CTNNA2: variants seen among roughly 807,000 people sequenced by gnomAD.
CTNNA2 encodes catenin alpha 2.
Under a neutral mutation model 101.0 loss-of-function variants are expected in CTNNA2, and 42 were observed. The observed-to-expected ratio is 0.42, with a 90% confidence interval of 0.32 to 0.54. CTNNA2 has a LOEUF of 0.54. Among genes scored for constraint, CTNNA2 ranks in the 20% least tolerant of loss-of-function variants. The pLI is 0.14. For synonymous variants in CTNNA2, 450 were observed against 456.4 expected (o/e 0.99, Z 0.18); for missense variants, 871 against 1,223.1 (o/e 0.71, Z 4.29).
chr2:79,195,974 T>C, intron 1 of CTNNA2: 1 of 410,354 alleles, frequency 2.4e-6, no homozygotes, highest in South Asian at 1.8e-5. Context: ...TCTCGATCTG[T>C]CACCCAGGCT....
At chr2:79,886,166 A>G (rs1683845110) in intron 6 of CTNNA2, among the ~76,000 whole-genome samples, 1 of 152,214 alleles carries the variant, frequency 6.6e-6, no homozygotes, top group Non-Finnish European at 1.5e-5. Flanking sequence ...ATTGGGCAAG[A>G]TGAAATTGTG....
chr2:79,801,850 G>A (rs927817356), intron 3 of CTNNA2, among the ~76,000 whole-genome samples: 1 of 151,970 alleles, frequency 6.6e-6, no homozygotes, highest in Admixed American at 6.5e-5. Flanking sequence ...AAATTAGCCA[G>A]GCGTGGTGGC....
chr2:79,472,660 TCTC>T (rs1256094574), intron 4 of CTNNA2, among the ~76,000 whole-genome samples: 1 of 152,162 alleles, frequency 6.6e-6, no homozygotes, highest in Non-Finnish European at 1.5e-5. Flanking sequence ...CCATTACTAA[TCTC>T]CTTATCAAAC....
intron 7 of CTNNA2, among the ~76,000 whole-genome samples, chr2:80,292,402 C>A (rs1291246604): frequency 6.6e-6 from 1 of 151,946 alleles, no homozygotes; most frequent in Non-Finnish European, 1.5e-5. Flanking sequence ...TGGTAAGTGA[C>A]CTTGGGCAAG....
At chr2:79,927,668 A>G (rs895647792) in intron 7 of CTNNA2, among the ~76,000 whole-genome samples, 3 of 152,232 alleles carry the variant, frequency 2.0e-5, no homozygotes, top group African/African-American at 7.2e-5. Context: ...GAAGAAAAGC[A>G]TTTAACAGTG....
At chr2:79,933,356 T>C (rs1318682647) in intron 7 of CTNNA2, among the ~76,000 whole-genome samples, 1 of 152,188 alleles carries the variant, frequency 6.6e-6, no homozygotes, top group Non-Finnish European at 1.5e-5. Context: ...TGTATCTTCA[T>C]TTTTTAAATG....
chr2:79,843,090 A>G (rs2103854714), intron 3 of CTNNA2, among the ~76,000 whole-genome samples: 1 of 152,338 alleles, frequency 6.6e-6, no homozygotes, highest in East Asian at 1.9e-4. Context: ...ATGTGTAACA[A>G]TGGGGCAAAA....
At chr2:80,353,594 C>G (rs1343464079) in intron 7 of CTNNA2, among the ~76,000 whole-genome samples, 2 of 152,088 alleles carry the variant, frequency 1.3e-5, no homozygotes, top group Non-Finnish European at 2.9e-5. Flanking sequence ...CAATTCTGAA[C>G]AAATAGTTAA....
At chr2:79,375,230 T>A (rs1677953914) in intron 4 of CTNNA2, among the ~76,000 whole-genome samples, 1 of 152,200 alleles carries the variant, frequency 6.6e-6, no homozygotes, top group Admixed American at 6.5e-5. Flanking sequence ...ATTCAAATTC[T>A]GATTCTGATT....
At chr2:80,119,597 A>G (rs2148875620) in intron 7 of CTNNA2, among the ~76,000 whole-genome samples, 1 of 152,338 alleles carries the variant, frequency 6.6e-6, no homozygotes, top group Non-Finnish European at 1.5e-5. Flanking sequence ...GTCAGCTGGC[A>G]TTTATAAATA....
intron 7 of CTNNA2, among the ~76,000 whole-genome samples, chr2:80,301,502 A>G (rs1352679346): frequency 6.6e-6 from 1 of 152,126 alleles, no homozygotes; most frequent in Non-Finnish European, 1.5e-5. Context: ...CCTAGGAGAA[A>G]CTGTCTGGCA....
intron 12 of CTNNA2, 137 bp from the exon 13 acceptor site, chr2:80,574,026 C>T: frequency 1.2e-6 from 1 of 826,032 alleles, no homozygotes; most frequent in Non-Finnish European, 1.9e-6. Context: ...ATTGGGCTCA[C>T]TTCAAACTGG....
At chr2:79,766,479 A>T (rs1673166805) in intron 3 of CTNNA2, among the ~76,000 whole-genome samples, 1 of 152,126 alleles carries the variant, frequency 6.6e-6, no homozygotes, top group Non-Finnish European at 1.5e-5. Flanking sequence ...GGTCTTTGAC[A>T]GATTTGATTG....
intron 9 of CTNNA2, among the ~76,000 whole-genome samples, chr2:80,470,742 A>G (rs993867683): frequency 6.6e-6 from 1 of 152,236 alleles, no homozygotes; most frequent in Non-Finnish European, 1.5e-5. Context: ...GAGAAAGCAT[A>G]CAGAAGATAG....
At chr2:80,091,791 A>G (rs1419758013) in intron 7 of CTNNA2, among the ~76,000 whole-genome samples, 1 of 152,052 alleles carries the variant, frequency 6.6e-6, no homozygotes, top group Non-Finnish European at 1.5e-5. Flanking sequence ...TATTGGACCT[A>G]TGAAGCCAAA....
chr2:79,323,995 C>T (rs1676685353), intron 3 of CTNNA2, among the ~76,000 whole-genome samples: 1 of 152,140 alleles, frequency 6.6e-6, no homozygotes, highest in East Asian at 1.9e-4. Context: ...CAGTGTGTAC[C>T]TGAAGCTGCC....
chr2:79,913,738 G>T (rs1261377506), intron 7 of CTNNA2, among the ~76,000 whole-genome samples: 2 of 152,176 alleles, frequency 1.3e-5, no homozygotes. Context: ...TCTGTTTTAT[G>T]AACATAAAAT....
chr2:79,197,904 G>T, intron 1 of CTNNA2: 1 of 152,514 alleles, frequency 6.6e-6, no homozygotes, highest in Non-Finnish European at 1.5e-5. Context: ...CTCCAAAGTA[G>T]CTGAGACTAC....
At chr2:80,069,370 C>A (rs6708548) in intron 7 of CTNNA2, among the ~76,000 whole-genome samples, 126,836 of 152,180 alleles carry the variant, frequency 0.83, 53,532 homozygotes, top group African/African-American at 0.93. Context: ...AGTTAAGTTG[C>A]CATATAAAAT....
Sources: gnomAD v4.1 joint callset for allele counts (sites outside exome capture counted in the v4.1 genomes callset) on GRCh38, gnomAD v4.1.1 for gene constraint, MANE v1.5 for transcripts, NCBI Gene and HGNC (gene_info 2026-07-23, HGNC 2026-07-21) for gene names.